The following PPIL2 variants were observed in gnomAD, a reference collection of about 807,000 sequenced individuals.
PPIL2 encodes peptidylprolyl isomerase like 2.
Under a neutral mutation model 75.2 loss-of-function variants are expected in PPIL2, and 50 were observed. That is an observed-to-expected ratio of 0.66 (90% CI 0.53 to 0.84). The LOEUF is 0.84. PPIL2 is among the 40% of genes least tolerant of loss of function. PPIL2 has a pLI of 0.00. For synonymous variants in PPIL2, 245 were observed against 258.8 expected, an observed-to-expected ratio of 0.95 and a Z score of 0.51; for missense variants, 590 against 685.0, an observed-to-expected ratio of 0.86 and a Z score of 1.55.
chr22:21,674,954 T>C, intron 5 of PPIL2, 110 bp from the exon 6 acceptor site: 1 of 958,204 alleles, frequency 1.0e-6, no homozygotes, highest in South Asian at 1.5e-5. Flanking sequence ...TGTCCAGAGC[T>C]GCACAGGGTT....
chr22:21,688,913 C>T, intron 15 of PPIL2, 64 bp downstream of exon 15: 1 of 1,424,968 alleles, frequency 7.0e-7, no homozygotes, highest in Non-Finnish European at 9.9e-7. Context: ...CGGGTTCTTC[C>T]TCTTGGCCCT....
At chr22:21,685,776 C>A (rs1273150805) in intron 10 of PPIL2, 2 of 391,118 alleles carry the variant, frequency 5.1e-6, no homozygotes, top group Admixed American at 3.6e-5. Flanking sequence ...GGAGAAACCC[C>A]TTTTTCTTCC....
At chr22:21,681,441 T>C (rs2067127023) in intron 7 of PPIL2, 51 bp downstream of exon 7, 1 of 1,505,872 alleles carries the variant, frequency 6.6e-7, no homozygotes, top group Non-Finnish European at 9.2e-7. Flanking sequence ...ATCTCTGCTG[T>C]GTGTTCCTAG....
intron 2 of PPIL2, chr22:21,670,259 TC>T: frequency 7.5e-7 from 1 of 1,325,876 alleles, no homozygotes; most frequent in South Asian, 1.4e-5. Flanking sequence ...TTTTTCTCTA[TC>T]AAGTTTATAA....
chr22:21,677,666 C>T (rs1018172722), intron 6 of PPIL2, among the ~76,000 whole-genome samples: 11 of 151,846 alleles, frequency 7.2e-5, no homozygotes, highest in African/African-American at 1.9e-4. Flanking sequence ...AGCTTTGGCT[C>T]GGCATCAGAG....
In PPIL2 at chr22:21,670,606, C is replaced by T. The variant is rs1466595795; in HGVS notation, c.123C>T (p.His41=). The T allele has an allele frequency of 6.2e-7, 1 of 1,610,552 alleles. No individual in the cohort carries two copies. The highest frequency in any genetic ancestry group is 8.5e-7 in the Non-Finnish European group (1 of 1,176,874). The part of the protein sequence containing the change: ...QTNFRRLPFD[H]CSLSLQPFVY... ...ATTTTCGTCGTTTACCTTTTGACCA[C>T]TGCAGGTAAGAGTTTTGCGAGTTTA... The change falls in exon 3 of 20, where the codon CAC becomes CAT. Residue 41 remains histidine (H), a synonymous_variant. Coordinates refer to ENST00000398831, the MANE Select transcript of PPIL2 (RefSeq NM_014337.4).
In PPIL2 at chr22:21,670,608, G is replaced by C; in HGVS notation, c.125G>C (p.Cys42Ser). 1 of 1,609,884 alleles carries C rather than the reference G, an allele frequency of 6.2e-7. No homozygotes were observed. The highest frequency in any genetic ancestry group is 8.5e-7 in the Non-Finnish European group (1 of 1,176,166). The stretch of plus-strand genomic sequence containing the variant: ...TTTCGTCGTTTACCTTTTGACCACT[G>C]CAGGTAAGAGTTTTGCGAGTTTACC... Reference protein sequence around the residue: ...TNFRRLPFDHCSLSLQPFVYP... With the variant: ...TNFRRLPFDHSSLSLQPFVYP... Residue 42 changes from cysteine (C) to serine (S), a missense_variant, in exon 3 of 20, where the codon TGC becomes TCC. Coordinates refer to ENST00000398831, the MANE Select transcript of PPIL2 (RefSeq NM_014337.4).
chr22:21,699,296 A>T (rs1436127858), downstream of PPIL2: 1 of 152,438 alleles, frequency 6.6e-6, no homozygotes, highest in African/African-American at 2.4e-5. Flanking sequence ...CCAGGCTGAG[A>T]ACTATCCGGG....
At chr22:21,698,245 T>G (rs1368073561), downstream of PPIL2, 2 of 145,138 alleles carry the variant, frequency 1.4e-5, no homozygotes. Flanking sequence ...GATAAAAGTG[T>G]TGTTGGTATA....
At chr22:21,670,733 A>G in intron 3 of PPIL2, 122 bp downstream of exon 3, 2 of 1,140,296 alleles carry the variant, frequency 1.8e-6, no homozygotes, top group Admixed American at 1.8e-5. Context: ...GTGGCCCTTC[A>G]GTTCATGTTG....
intron 13 of PPIL2, 29 bp downstream of exon 13, chr22:21,687,761 G>C (rs1359646137): frequency 4.4e-6 from 7 of 1,594,246 alleles, no homozygotes; most frequent in Non-Finnish European, 5.2e-6. Flanking sequence ...TGGCTGCACA[G>C]ATGAGCTTGG....
intron 9 of PPIL2, 142 bp from the exon 10 acceptor site, chr22:21,684,611 T>C: frequency 1.0e-6 from 1 of 1,002,766 alleles, no homozygotes; most frequent in African/African-American, 1.6e-5. Context: ...AGCGGGGCAC[T>C]GTGGCATTCT....
chr22:21,688,676 G>T (rs1280229274), intron 14 of PPIL2, 56 bp from the exon 15 acceptor site: 42 of 1,556,654 alleles, frequency 2.7e-5, no homozygotes, highest in African/African-American at 8.2e-5. Flanking sequence ...GAGGTTTCTA[G>T]TTCTGCCTCG....
chr22:21,674,377 AAAG>A (rs1432733999), intron 5 of PPIL2, among the ~76,000 whole-genome samples: 2 of 152,214 alleles, frequency 1.3e-5, no homozygotes, highest in African/African-American at 4.8e-5. Flanking sequence ...AAATAAGAAA[AAAG>A]AAAAAACATC....
chr22:21,675,851 T>C (rs937029675), intron 6 of PPIL2, among the ~76,000 whole-genome samples: 3 of 152,228 alleles, frequency 2.0e-5, no homozygotes, highest in Non-Finnish European at 4.4e-5. Flanking sequence ...CCACAGCTCA[T>C]AGAGCCCAGC....
At chr22:21,676,992 C>A (rs1029391102) in intron 6 of PPIL2, among the ~76,000 whole-genome samples, 4 of 150,496 alleles carry the variant, frequency 2.7e-5, no homozygotes, top group South Asian at 2.1e-4. Context: ...GGCTGCCCCC[C>A]ACCTCCCTCT....
chr22:21,677,590 G>A (rs1282783189), intron 6 of PPIL2, among the ~76,000 whole-genome samples: 1 of 152,216 alleles, frequency 6.6e-6, no homozygotes, highest in Non-Finnish European at 1.5e-5. Context: ...CCAGGCACTC[G>A]GCAGGCTGAG....
In PPIL2 at chr22:21,695,945, G is replaced by A. The variant is rs11912412; in HGVS notation, c.*455G>A. ...CAAGCAATCCTCCTGCCTCAGCCTC[G>A]CAAGTAGCTGGGACTACAGCCGTGC... On this transcript the variant is annotated 3_prime_UTR_variant, in exon 20 of 20. Transcript: ENST00000398831. 0.25 allele frequency: 179,489 copies of A among 726,314 alleles called. 22,663 individuals carry two copies. Among genetic ancestry groups the A allele is most frequent in the Middle Eastern group, 0.3 (438 of 1,474 alleles). The allele number at this position is 726,314 out of a possible 1,614,324, so 45.0% of individuals were successfully genotyped here.
Position 21,683,172 on chromosome 22 carries a change from T to C in PPIL2, c.478-10T>C. The C allele has an allele frequency of 6.2e-7, 1 of 1,609,978 alleles. No individual in the cohort carries two copies. Among genetic ancestry groups the C allele is most frequent in the Non-Finnish European group, 8.5e-7 (1 of 1,176,256 alleles). On this transcript the variant is annotated splice_polypyrimidine_tract_variant and intron_variant, in intron 8 of 19. Coordinates refer to ENST00000398831, the MANE Select transcript of PPIL2 (RefSeq NM_014337.4). ...GGTTCACTCTGCTGGGCATTCTCTT[T>C]TTGCCACAGGACCCCACCAATTTGG...
Sources: allele counts gnomAD v4.1 joint callset (sites outside exome capture counted in the v4.1 genomes callset), GRCh38; gene constraint gnomAD v4.1.1; transcripts MANE v1.5; gene names NCBI Gene and HGNC (gene_info 2026-07-23, HGNC 2026-07-21).